Variants in RAB38 observed in about 807,000 individuals in gnomAD.
RAB38 encodes ras-related protein Rab-38.
In RAB38, 15 loss-of-function variants were observed where a neutral mutation model predicts 18.4. The ratio of observed to expected loss-of-function variants is 0.82; its 90% CI spans 0.55 to 1.26. RAB38 has a LOEUF of 1.26. RAB38 is among the 50% of genes most tolerant of loss of function. The pLI, the probability that RAB38 is intolerant of heterozygous loss-of-function variation, is 0.00. For synonymous variants in RAB38, 101 were observed against 104.4 expected (o/e 0.97, Z 0.20); for missense variants, 294 against 267.4 (o/e 1.10, Z -0.69).
the RAB38 span, among the ~76,000 whole-genome samples, chr11:88,032,562 C>T: frequency 9.2e-5 from 14 of 152,232 alleles, no homozygotes; most frequent in South Asian, 1.0e-3. Context: ...AAAAAGTGGG[C>T]GAAGGAAATG....
At chr11:88,040,067 G>A in the RAB38 span, among the ~76,000 whole-genome samples, 4 of 152,164 alleles carry the variant, frequency 2.6e-5, no homozygotes, top group African/African-American at 9.7e-5. Flanking sequence ...ATTCCCAGGG[G>A]TTCTTAGACA....
chr11:87,848,758 C>T, the RAB38 span, among the ~76,000 whole-genome samples: 38 of 152,192 alleles, frequency 2.5e-4, no homozygotes, highest in African/African-American at 8.9e-4. Context: ...CCATCAGGTC[C>T]ACACCTGAAA....
chr11:87,948,585 A>G, the RAB38 span, among the ~76,000 whole-genome samples: 1 of 152,028 alleles, frequency 6.6e-6, no homozygotes, highest in Non-Finnish European at 1.5e-5. Flanking sequence ...TATCTAATTT[A>G]TTGAGAGTTT....
At chr11:87,809,120 G>A in the RAB38 span, among the ~76,000 whole-genome samples, 1 of 152,054 alleles carries the variant, frequency 6.6e-6, no homozygotes, top group Admixed American at 6.6e-5. Flanking sequence ...ACATATATAA[G>A]TAATTTCATT....
At chr11:88,037,124 T>C in the RAB38 span, among the ~76,000 whole-genome samples, 674 of 152,238 alleles carry the variant, frequency 4.4e-3, 2 homozygotes, top group African/African-American at 0.016. Flanking sequence ...GGTAGTTGTT[T>C]GAATTCTTTA....
At chr11:88,106,500 C>T in the RAB38 span, among the ~76,000 whole-genome samples, 3 of 152,108 alleles carry the variant, frequency 2.0e-5, no homozygotes, top group African/African-American at 7.2e-5. Context: ...CAATTTTGTT[C>T]TAATATAAAG....
chr11:87,876,433 T>G, the RAB38 span, among the ~76,000 whole-genome samples: 2 of 151,636 alleles, frequency 1.3e-5, no homozygotes, highest in Non-Finnish European at 1.5e-5. Flanking sequence ...TCTCCCCCAA[T>G]AAATTTTTGT....
At chr11:87,925,296 C>G in the RAB38 span, among the ~76,000 whole-genome samples, 1 of 152,050 alleles carries the variant, frequency 6.6e-6, no homozygotes, top group Non-Finnish European at 1.5e-5. Flanking sequence ...TAAAAAGTTT[C>G]TCTTATCACC....
the RAB38 span, among the ~76,000 whole-genome samples, chr11:87,809,650 T>C: frequency 6.6e-6 from 1 of 151,632 alleles, no homozygotes; most frequent in East Asian, 1.9e-4. Flanking sequence ...TTTAAAAGAA[T>C]AATCAGAGGA....
chr11:88,150,189 G>A (rs1337363462), intron 1 of RAB38, among the ~76,000 whole-genome samples: 1 of 152,174 alleles, frequency 6.6e-6, no homozygotes, highest in Non-Finnish European at 1.5e-5. Context: ...TGTGTACCAT[G>A]TAATATTCTA....
At chr11:88,060,529 T>TAG in the RAB38 span, among the ~76,000 whole-genome samples, 1 of 152,028 alleles carries the variant, frequency 6.6e-6, no homozygotes, top group Non-Finnish European at 1.5e-5. Context: ...CCAGGAGATG[T>TAG]AGAGAGGTCA....
At chr11:88,052,935 T>TATATATATATAAC in the RAB38 span, among the ~76,000 whole-genome samples, 1 of 85,790 alleles carries the variant, frequency 1.2e-5, no homozygotes, top group Non-Finnish European at 2.1e-5. Context: ...TATATATATA[T>TATATATATATAAC]ATATATATAA....
chr11:87,973,796 G>A, the RAB38 span, among the ~76,000 whole-genome samples: 1 of 150,078 alleles, frequency 6.7e-6, no homozygotes, highest in Non-Finnish European at 1.5e-5. Context: ...AGAATATACT[G>A]GAGGACCAAT....
At chr11:88,007,755 A>T in the RAB38 span, among the ~76,000 whole-genome samples, 1 of 152,130 alleles carries the variant, frequency 6.6e-6, no homozygotes, top group Admixed American at 6.5e-5. Flanking sequence ...AAATAAAAAC[A>T]TATGTCCACA....
chr11:87,880,430 GC>G, the RAB38 span, among the ~76,000 whole-genome samples: 2 of 151,806 alleles, frequency 1.3e-5, no homozygotes, highest in Non-Finnish European at 2.9e-5. Flanking sequence ...TATGGTAACA[GC>G]CTAGATCTCC....
At chr11:88,105,432 T>C in the RAB38 span, among the ~76,000 whole-genome samples, 1 of 152,156 alleles carries the variant, frequency 6.6e-6, no homozygotes, top group African/African-American at 2.4e-5. Context: ...GAAAAATCAA[T>C]GCAATCTGTT....
At chr11:87,908,673 A>C in the RAB38 span, among the ~76,000 whole-genome samples, 9 of 151,980 alleles carry the variant, frequency 5.9e-5, no homozygotes, top group Non-Finnish European at 8.8e-5. Context: ...AATCAAAGGT[A>C]AATTTGCAGT....
chr11:88,166,556 T>C (rs1943247282), intron 1 of RAB38: 1 of 152,100 alleles, frequency 6.6e-6, no homozygotes, highest in Admixed American at 6.6e-5. Flanking sequence ...TTTTGATGAG[T>C]ACTCAGGGTT....
At chr11:88,118,818 G>T (rs200030562) in intron 2 of RAB38, among the ~76,000 whole-genome samples, 1 of 152,094 alleles carries the variant, frequency 6.6e-6, no homozygotes, top group African/African-American at 2.4e-5. Flanking sequence ...TCCTAACAAA[G>T]AATTTTACTA....
Sources: allele counts gnomAD v4.1 joint callset (sites outside exome capture counted in the v4.1 genomes callset), GRCh38; gene constraint gnomAD v4.1.1; transcripts MANE v1.5; gene names NCBI Gene and HGNC (gene_info 2026-07-23, HGNC 2026-07-21).